The following KIRREL3 variants were observed in gnomAD, a reference collection of about 807,000 sequenced individuals.
KIRREL3 encodes kirre like nephrin family adhesion molecule 3.
A neutral mutation model predicts 89.7 loss-of-function variants in KIRREL3; 36 were observed. The observed-to-expected ratio is 0.40, with a 90% CI of 0.31 to 0.53. KIRREL3 has a LOEUF of 0.53. Among genes scored for constraint, KIRREL3 ranks in the 20% least tolerant of loss-of-function variants. The pLI is 0.49. For missense variants in KIRREL3, 864 were observed against 1,056.6 expected (o/e 0.82, Z 2.53); for synonymous variants, 445 against 441.4 (o/e 1.01, Z -0.10).
Position 126,519,476 on chromosome 11 carries a change from C to A in KIRREL3, c.433+1839G>T, listed in dbSNP as rs150047751. Among the ~76,000 whole-genome samples, 1 of 152,216 alleles carries A rather than the reference C, an allele frequency of 6.6e-6. No homozygotes were observed. The highest frequency in any genetic ancestry group is 2.4e-5 in the African/African-American group (1 of 41,466). On this transcript the variant is annotated intron_variant, in intron 4 of 16. Coordinates refer to ENST00000525144, the MANE Select transcript of KIRREL3 (RefSeq NM_032531.4). The surrounding 1 kb of genome is among the most constrained non-coding windows in gnomAD (Gnocchi z 4.3). ...ACTTTTAATACGTTGGACTTTTTTA[C>A]GTAACGTAGAGTTGAGAGGAAAGGA... is the stretch of plus-strand genomic sequence containing the variant.
intron 1 of KIRREL3, among the ~76,000 whole-genome samples, chr11:126,674,807 T>A (rs745651667): frequency 1.3e-5 from 2 of 152,188 alleles, no homozygotes. Flanking sequence ...GTGCTTACCC[T>A]GCACACTCCC....
At chr11:126,779,596 A>G (rs536001445) in intron 1 of KIRREL3, among the ~76,000 whole-genome samples, 1 of 152,288 alleles carries the variant, frequency 6.6e-6, no homozygotes, top group Admixed American at 6.5e-5. Context: ...GCTGTTTAGA[A>G]TCAGGACATT....
intron 12 of KIRREL3, 34 bp downstream of exon 12, chr11:126,436,777 T>C (rs1270430841): frequency 6.2e-7 from 1 of 1,611,172 alleles, no homozygotes; most frequent in Non-Finnish European, 8.5e-7. Context: ...GGTTCCATCG[T>C]TCGTTGTTCC....
At position 126,965,725 on chromosome 11, in the gene KIRREL3, G is replaced by C. The variant is rs619086; in HGVS notation, c.55+34730C>G. The stretch of plus-strand genomic sequence containing the variant: ...TTATTTCCTTCTGACTTTGGAGTGC[G>C]TTATTTTCCCGTGTTTTACGTTGGC... On this transcript the variant is annotated intron_variant, in intron 1 of 16. Coordinates refer to ENST00000525144, the MANE Select transcript of KIRREL3 (RefSeq NM_032531.4). This position sits in a 1 kb window ranked among gnomAD's most constrained non-coding sequence, Gnocchi z 4.4. Among the ~76,000 whole-genome samples the C allele has an allele frequency of 6.6e-6, 1 of 151,926 alleles. No homozygotes were observed. The highest frequency in any genetic ancestry group is 6.6e-5 in the Admixed American group (1 of 15,264).
At chr11:126,481,181 G>A (rs2134308721) in intron 4 of KIRREL3, among the ~76,000 whole-genome samples, 1 of 152,258 alleles carries the variant, frequency 6.6e-6, no homozygotes, top group South Asian at 2.1e-4. Flanking sequence ...AGTACTAGAA[G>A]GAAAGTAACA....
intron 1 of KIRREL3, among the ~76,000 whole-genome samples, chr11:126,854,556 C>T (rs941921382): frequency 2.6e-5 from 4 of 152,162 alleles, no homozygotes; most frequent in Admixed American, 6.5e-5. Flanking sequence ...CCAGAATTTC[C>T]TTCCTTTTTA....
Position 126,684,850 on chromosome 11 carries a change from C to A in KIRREL3, c.56-121938G>T, listed in dbSNP as rs540211865. Among the ~76,000 whole-genome samples the A allele has an allele frequency of 6.6e-6, 1 of 152,204 alleles. No homozygotes were observed. Among genetic ancestry groups the A allele is most frequent in the Admixed American group, 6.5e-5 (1 of 15,294 alleles). Reference sequence around the variant, plus strand: ...GAGGTAGTGTTGGCTTGGACCACAGCGGGAGGGACCTGGGAAGAGGGAGAA... The same window carrying A: ...GAGGTAGTGTTGGCTTGGACCACAGAGGGAGGGACCTGGGAAGAGGGAGAA... On this transcript the variant is annotated intron_variant, in intron 1 of 16. Transcript: ENST00000525144. The surrounding 1 kb of genome is among the most constrained non-coding windows in gnomAD (Gnocchi z 4.2).
chr11:126,446,297 T>C lies in KIRREL3; in HGVS notation c.1125+462A>G, dbSNP rs577746833. On this transcript the variant is annotated intron_variant, in intron 9 of 16. Coordinates refer to ENST00000525144, the MANE Select transcript of KIRREL3 (RefSeq NM_032531.4). ...TTCTTTTCTTTCTCCTTTCTTTCTT[T>C]CTTTCTCTCTCTCTCTTCCTTTCTT... 2.0e-5 allele frequency among the ~76,000 whole-genome samples: 3 copies of C among 151,866 alleles called. No homozygotes were observed. The South Asian group carries it at 6.2e-4, about 32-fold the overall frequency.
At chr11:126,517,126 GAGAGAGAGAA>G (rs1031165077) in intron 4 of KIRREL3, among the ~76,000 whole-genome samples, 2 of 134,622 alleles carry the variant, frequency 1.5e-5, no homozygotes, top group African/African-American at 2.9e-5. Context: ...GATTGAGAGA[GAGAGAGAGAA>G]AGAGAGAGAG....
At position 126,623,864 on chromosome 11, in the gene KIRREL3, T is replaced by C. The variant is rs1252444040; in HGVS notation, c.56-60952A>G. Among the ~76,000 whole-genome samples the C allele has an allele frequency of 6.6e-6, 1 of 152,244 alleles. No homozygotes were observed. Among genetic ancestry groups the C allele is most frequent in the Non-Finnish European group, 1.5e-5 (1 of 68,042 alleles). On this transcript the variant is annotated intron_variant, in intron 1 of 16. Transcript: ENST00000525144. The surrounding 1 kb of genome is among the most constrained non-coding windows in gnomAD (Gnocchi z 4.1). ...CTGTTGAACCTGGCAATAAACGTTA[T>C]GCCTCTCCCCAACCCCAGTCCAGAA...
intron 1 of KIRREL3, among the ~76,000 whole-genome samples, chr11:126,853,922 A>C (rs960328951): frequency 2.0e-5 from 3 of 152,198 alleles, no homozygotes; most frequent in African/African-American, 7.2e-5. Flanking sequence ...GTATTAATAA[A>C]TACATGGTGA....
At position 126,468,632 on chromosome 11, in the gene KIRREL3, A is replaced by G. The variant is rs566459618; in HGVS notation, c.591+4677T>C. On this transcript the variant is annotated intron_variant, in intron 5 of 16. Coordinates refer to ENST00000525144, the MANE Select transcript of KIRREL3 (RefSeq NM_032531.4). ...GGTGAGCAACCCAGAAACTTTGAGAACAGGCCTGGTGTTTTATGAAATAGC... is the reference window on the plus strand; with the variant it reads ...GGTGAGCAACCCAGAAACTTTGAGAGCAGGCCTGGTGTTTTATGAAATAGC... Among the ~76,000 whole-genome samples the G allele has an allele frequency of 5.9e-5, 9 of 152,340 alleles. No homozygotes were observed. The South Asian group carries it at 1.9e-3, about 32-fold the overall frequency.
In KIRREL3 at chr11:126,643,220, A is replaced by G. The variant is rs1944539787; in HGVS notation, c.56-80308T>C. 6.6e-6 allele frequency among the ~76,000 whole-genome samples: 1 copy of G among 152,274 alleles called. No individual in the cohort carries two copies. Among genetic ancestry groups the G allele is most frequent in the African/African-American group, 2.4e-5 (1 of 41,474 alleles). ...TAATGGTATCTATTTCATAGGGTTA[A>G]CATGGGAATTAAAGAAGATAATGCA... On this transcript the variant is annotated intron_variant, in intron 1 of 16. Transcript: ENST00000525144. The surrounding 1 kb of genome is among the most constrained non-coding windows in gnomAD (Gnocchi z 4.5).
rs1382303829 is a variant in KIRREL3, at chr11:126,495,845, A to G, written c.434-22379T>C. Among the ~76,000 whole-genome samples the G allele has an allele frequency of 6.6e-6, 1 of 152,240 alleles. No individual in the cohort carries two copies. Among genetic ancestry groups the G allele is most frequent in the African/African-American group, 2.4e-5 (1 of 41,468 alleles). ...CTGACACTCAGCAAATGGCAACTGC[A>G]TGCTACCAGGAGCTCAGGCCAAACA... On this transcript the variant is annotated intron_variant, in intron 4 of 16. Transcript: ENST00000525144. This position sits in a 1 kb window ranked among gnomAD's most constrained non-coding sequence, Gnocchi z 6.5.
At position 126,954,228 on chromosome 11, in the gene KIRREL3, T is replaced by C. The variant is rs1484838342; in HGVS notation, c.55+46227A>G. On this transcript the variant is annotated intron_variant, in intron 1 of 16. Transcript: ENST00000525144. This position sits in a 1 kb window ranked among gnomAD's most constrained non-coding sequence, Gnocchi z 4.1. Reference sequence around the variant, plus strand: ...GTTAGCTGCTGCCTGGACTCAAGGATTATAGAGGAATTCTGGGAAGCTTTC... The same window carrying C: ...GTTAGCTGCTGCCTGGACTCAAGGACTATAGAGGAATTCTGGGAAGCTTTC... Among the ~76,000 whole-genome samples, 3 of 151,634 alleles carry C rather than the reference T, an allele frequency of 2.0e-5. No individual in the cohort carries two copies. Among genetic ancestry groups the C allele is most frequent in the Non-Finnish European group, 4.4e-5 (3 of 67,958 alleles).
intron 1 of KIRREL3, among the ~76,000 whole-genome samples, chr11:126,596,090 A>T (rs1591794852): frequency 6.6e-6 from 1 of 152,062 alleles, no homozygotes; most frequent in East Asian, 1.9e-4. Context: ...GCTCTGGTGA[A>T]CCCAACGGAA....
intron 2 of KIRREL3, among the ~76,000 whole-genome samples, chr11:126,529,496 C>T (rs1462852957): frequency 6.6e-6 from 1 of 151,912 alleles, no homozygotes; most frequent in Non-Finnish European, 1.5e-5. Flanking sequence ...GGGAGCATCT[C>T]CCGATGCCAT....
chr11:126,832,487 G>A lies in KIRREL3; in HGVS notation c.55+167968C>T, dbSNP rs141947080. ...TCCCTTTCCCAGAGCTGAGACTATC[G>A]TGAGGAAAGCTTGAAGCGGGACTGT... On this transcript the variant is annotated intron_variant, in intron 1 of 16. Coordinates refer to ENST00000525144, the MANE Select transcript of KIRREL3 (RefSeq NM_032531.4). Among the ~76,000 whole-genome samples, 45 of 152,286 alleles carry A rather than the reference G, an allele frequency of 3.0e-4. No individual in the cohort carries two copies. In the East Asian group the frequency reaches 6.0e-3, roughly 20 times the overall value.
rs1040503270 is a variant in KIRREL3, at chr11:126,807,504, A to G, written c.55+192951T>C. Reference sequence around the variant, plus strand: ...AAAATCTGTTTCAATATAAAAATATAAAAAGTCACCCCAAATCTCCCAGTG... The same window carrying G: ...AAAATCTGTTTCAATATAAAAATATGAAAAGTCACCCCAAATCTCCCAGTG... On this transcript the variant is annotated intron_variant, in intron 1 of 16. Coordinates refer to ENST00000525144, the MANE Select transcript of KIRREL3 (RefSeq NM_032531.4). This position sits in a 1 kb window ranked among gnomAD's most constrained non-coding sequence, Gnocchi z 4.3. 6.6e-6 allele frequency among the ~76,000 whole-genome samples: 1 copy of G among 152,202 alleles called. No individual in the cohort carries two copies. The highest frequency in any genetic ancestry group is 6.5e-5 in the Admixed American group (1 of 15,278).
Sources: gnomAD v4.1 joint callset for allele counts (sites outside exome capture counted in the v4.1 genomes callset) on GRCh38, gnomAD v4.1.1 for gene constraint, Gnocchi (gnomAD v3.1) non-coding constraint, MANE v1.5 for transcripts, NCBI Gene and HGNC (gene_info 2026-07-23, HGNC 2026-07-21) for gene names.